Variants in LRWD1 observed in about 807,000 individuals in gnomAD.
LRWD1 encodes leucine rich repeats and WD repeat domain containing 1, also known as leucine-rich repeat and WD repeat-containing protein 1.
A neutral mutation model predicts 75.6 loss-of-function variants in LRWD1; 76 were observed. That is an observed-to-expected ratio of 1.01 (90% CI 0.84 to 1.22). The LOEUF (loss-of-function observed/expected upper bound fraction) is 1.22. Ranked by LOEUF, LRWD1 falls within the 50% of genes most tolerant of loss-of-function variation. LRWD1 has a pLI of 0.00. For missense variants in LRWD1, 917 were observed against 862.0 expected, an observed-to-expected ratio of 1.06 and a Z score of -0.80; for synonymous variants, 487 against 377.0, an observed-to-expected ratio of 1.29 and a Z score of -3.38.
intron 3 of LRWD1, among the ~76,000 whole-genome samples, chr7:102,466,648 C>A (rs1401482882): frequency 1.3e-5 from 2 of 151,858 alleles, no homozygotes; most frequent in African/African-American, 4.8e-5. Flanking sequence ...AAACTCCTGG[C>A]CTTAGGTGAT....
chr7:102,465,270 C>T (rs1797923841), intron 1 of LRWD1, 110 bp downstream of exon 1: 1 of 1,110,590 alleles, frequency 9.0e-7, no homozygotes, highest in Non-Finnish European at 1.2e-6. Flanking sequence ...CCTCTGGGTT[C>T]GGCAGAGTGG....
chr7:102,467,110 G>GT, intron 3 of LRWD1, among the ~76,000 whole-genome samples: 1 of 100,910 alleles, frequency 9.9e-6, no homozygotes. Flanking sequence ...CACCTGGGTT[G>GT]TTGCTGGGGT....
At chr7:102,468,020 C>T (rs759324687) in intron 5 of LRWD1, 42 bp from the exon 6 acceptor site, 49 of 1,592,136 alleles carry the variant, frequency 3.1e-5, no homozygotes, top group Non-Finnish European at 3.9e-5. Context: ...AGGAAGGAAG[C>T]CCCAGGCAGA....
At chr7:102,469,967 A>C in intron 11 of LRWD1, 85 bp downstream of exon 11, 1 of 1,410,046 alleles carries the variant, frequency 7.1e-7, no homozygotes, top group South Asian at 1.5e-5. Context: ...CAGCCTGGGC[A>C]CACCCGGGTA....
intron 11 of LRWD1, chr7:102,471,983 AG>A (rs1798205916): frequency 5.8e-6 from 3 of 513,100 alleles, no homozygotes; most frequent in Non-Finnish European, 1.1e-5. Flanking sequence ...GTCCTGGAAG[AG>A]CCACCCCTCG....
At position 102,468,153 on chromosome 7, in the gene LRWD1, AG is replaced by A. The variant is rs759320867; in HGVS notation, c.773del (p.Gly258AlafsTer14). On this transcript the variant is annotated frameshift_variant, in exon 6 of 15. Coordinates refer to ENST00000292616, the MANE Select transcript of LRWD1 (RefSeq NM_152892.3). LOFTEE classifies it high-confidence loss of function. ...TGTGCCTCCCCGTCGGCCCAGGTGG[AG>A]GGCAGCCCTGTGGCAGGCTCCGATG... is the stretch of plus-strand genomic sequence containing the variant. ...RACASPSAQV[E>X]GSPVAGSDGS... 60 of 1,606,720 alleles carry A rather than the reference AG, an allele frequency of 3.7e-5. No individual in the cohort carries two copies. Among genetic ancestry groups the A allele is most frequent in the Non-Finnish European group, 4.9e-5 (58 of 1,177,748 alleles).
Position 102,473,092 on chromosome 7 carries a change from T to A in LRWD1, c.*43T>A, listed in dbSNP as rs750315841. Reference sequence around the variant, plus strand: ...GGACCAGGGACACAGCTAACTAACTTATTCAGCTTTGGGCCGATGGGGGTG... The same window carrying A: ...GGACCAGGGACACAGCTAACTAACTAATTCAGCTTTGGGCCGATGGGGGTG... On this transcript the variant is annotated 3_prime_UTR_variant, in exon 15 of 15. Coordinates refer to ENST00000292616, the MANE Select transcript of LRWD1 (RefSeq NM_152892.3). 4 of 1,528,626 alleles carry A rather than the reference T, an allele frequency of 2.6e-6. No homozygotes were observed. Among genetic ancestry groups the A allele is most frequent in the Non-Finnish European group, 2.7e-6 (3 of 1,131,116 alleles). 94.7% of individuals were successfully genotyped at this position (1,528,626 alleles called of 1,614,324 possible). A position where few individuals can be genotyped will look rare whatever the true frequency, so the allele number is the denominator to read the frequency against.
Position 102,467,070 on chromosome 7 carries a change from G to GGTGTGTGTGTGTGT in LRWD1, c.433-256_433-243dup, listed in dbSNP as rs59522694. On this transcript the variant is annotated intron_variant, in intron 3 of 14. Transcript: ENST00000292616. ...GACTATAGGCACCTGGGTTGTTGCTGGTGTGTGTGTGTGTGTGTGTGTGTG... is the reference window on the plus strand; with the variant it reads ...GACTATAGGCACCTGGGTTGTTGCTGGTGTGTGTGTGTGTGTGTGTGTGTGTGTGTGTGTGTGTG... 5.2e-5 allele frequency among the ~76,000 whole-genome samples: 7 copies of GGTGTGTGTGTGTGT among 133,592 alleles called. 1 individual carries two copies. Among genetic ancestry groups the GGTGTGTGTGTGTGT allele is most frequent in the East Asian group, 4.9e-4 (2 of 4,058 alleles). 87.6% of individuals were successfully genotyped at this position (133,592 alleles called of 152,430 possible). A position where few individuals can be genotyped will look rare whatever the true frequency, so the allele number is the denominator to read the frequency against.
In LRWD1 at chr7:102,472,449, C is replaced by A. The variant is rs371045937; in HGVS notation, c.1535-5C>A. 3.3e-6 allele frequency: 5 copies of A among 1,536,022 alleles called. No individual in the cohort carries two copies. The African/African-American group carries it at 4.1e-5, about 13-fold the overall frequency. On this transcript the variant is annotated splice_region_variant and splice_polypyrimidine_tract_variant and intron_variant, in intron 12 of 14. Transcript: ENST00000292616. ...CCCTGCACAGCTCTCCCTTCTCCCC[C>A]ACAGCCTCCAAGGGGAGCGGCCTGG...
At chr7:102,467,258 G>T in intron 3 of LRWD1, 81 bp from the exon 4 acceptor site, 2 of 1,500,276 alleles carry the variant, frequency 1.3e-6, no homozygotes, top group Non-Finnish European at 1.8e-6. Flanking sequence ...CAGGTGGCGG[G>T]ATTGAGATTC....
At chr7:102,467,167 GT>G (rs759273936) in intron 3 of LRWD1, among the ~76,000 whole-genome samples, 171 bp from the exon 4 acceptor site, 66,875 of 112,174 alleles carry the variant, frequency 0.6, 21,611 homozygotes, top group Non-Finnish European at 0.68. Flanking sequence ...TGGGGTGTGT[GT>G]GGGGTGTGTG....
chr7:102,472,020 G>A (rs912652270), intron 11 of LRWD1, 198 bp from the exon 12 acceptor site: 12 of 580,090 alleles, frequency 2.1e-5, no homozygotes, highest in African/African-American at 9.4e-5. Context: ...ACTGTGACTC[G>A]GGACACTCAG....
intron 1 of LRWD1, chr7:102,465,489 C>CTTTTTTTTTTTTTTT (rs1007523343): frequency 5.4e-5 from 4 of 73,718 alleles, no homozygotes; most frequent in Admixed American, 2.1e-4. Context: ...GTAGTTGCAG[C>CTTTTTTTTTTTTTTT]TTTTTTTTTT....
At chr7:102,471,843 A>G (rs1586744160) in intron 11 of LRWD1, 1 of 232,548 alleles carries the variant, frequency 4.3e-6, no homozygotes, top group East Asian at 1.2e-4. Context: ...GATGCCCCCA[A>G]CAGCCCCCTG....
At chr7:102,466,760 CTTTTTTTTTTTTTTTTTTTTTTTTT>C (rs71106685) in intron 3 of LRWD1, among the ~76,000 whole-genome samples, 4 of 53,050 alleles carry the variant, frequency 7.5e-5, no homozygotes, top group African/African-American at 3.5e-4. Flanking sequence ...TCTTTTTTAC[CTTTTTTTTTTTTTTTTTTTTTTTTT>C]TTTTTTTTTT....
In LRWD1 at chr7:102,465,137, G is replaced by C. The variant is rs764515705; in HGVS notation, c.57G>C (p.Arg19=). Residue 19 remains arginine, a synonymous_variant, in exon 1 of 15, where the codon CGG becomes CGC. Coordinates refer to ENST00000292616, the MANE Select transcript of LRWD1 (RefSeq NM_152892.3). ...LMQRGRPKSD[R]LGKIRSLDLS... ...AGCGCGGGCGCCCCAAGAGCGACCG[G>C]CTGGGGAAGATCCGGAGTCTGGAGT... is the stretch of plus-strand genomic sequence containing the variant. 3 of 1,517,300 alleles carry C rather than the reference G, an allele frequency of 2.0e-6. No homozygotes were observed. The highest frequency in any genetic ancestry group is 2.9e-5 in the African/African-American group (2 of 69,374). 94.0% of individuals were successfully genotyped at this position (1,517,300 alleles called of 1,614,324 possible).
chr7:102,470,625 A>T (rs1798157019), intron 11 of LRWD1: 1 of 152,394 alleles, frequency 6.6e-6, no homozygotes, highest in Non-Finnish European at 1.5e-5. Context: ...TGGTACGTGC[A>T]AAGGTCAGTG....
At position 102,469,639 on chromosome 7, in the gene LRWD1, C is replaced by T. The variant is rs1456641260; in HGVS notation, c.1294C>T (p.Gln432Ter). The change falls in exon 10 of 15, where the codon CAG becomes TAG. Residue 432 changes from glutamine (Q) to a stop codon, truncating the protein, a stop_gained. Coordinates refer to ENST00000292616, the MANE Select transcript of LRWD1 (RefSeq NM_152892.3). LOFTEE classifies it high-confidence loss of function. The stretch of plus-strand genomic sequence containing the variant: ...GGTGCCCAACCAGGACTACGAATTC[C>T]AGGCCAGGTGATGCTTCGGGTGAGG... ...IGVPNQDYEF[Q>*]ASQLLTLDTT... 6.2e-7 allele frequency: 1 copy of T among 1,614,200 alleles called. No individual in the cohort carries two copies. The highest frequency in any genetic ancestry group is 8.5e-7 in the Non-Finnish European group (1 of 1,180,012).
Position 102,468,095 on chromosome 7 carries a change from G to A in LRWD1, c.712G>A (p.Val238Ile), listed in dbSNP as rs149295133. 5.8e-4 allele frequency: 937 copies of A among 1,609,690 alleles called. No individual in the cohort carries two copies. The highest frequency in any genetic ancestry group is 7.7e-4 in the Non-Finnish European group (905 of 1,179,504). Residue 238 changes from valine to isoleucine, a missense_variant, in exon 6 of 15, where the codon GTC becomes ATC. Transcript: ENST00000292616. ...RLAALKRPDD[V>I]PLSLSPSKRA... The stretch of plus-strand genomic sequence containing the variant: ...GGCGGCCTTGAAACGGCCAGACGAC[G>A]TCCCACTCAGCCTCTCTCCCAGCAA...
Sources: gnomAD v4.1 joint callset for allele counts (sites outside exome capture counted in the v4.1 genomes callset) on GRCh38, gnomAD v4.1.1 for gene constraint, MANE v1.5 for transcripts, NCBI Gene and HGNC (gene_info 2026-07-23, HGNC 2026-07-21) for gene names.